Variants in PTPN2 observed in about 807,000 individuals in gnomAD.
The protein encoded by PTPN2 is protein tyrosine phosphatase non-receptor type 2, also known as tyrosine-protein phosphatase non-receptor type 2.
PTPN2 carries 19 observed loss-of-function variants against 57.3 expected under a neutral mutation model. The observed-to-expected ratio is 0.33, with a 90% confidence interval of 0.23 to 0.49. PTPN2 has a LOEUF of 0.49. PTPN2 is among the 20% of genes least tolerant of loss of function. The pLI is 0.99. For missense variants in PTPN2, 358 were observed against 501.1 expected, an observed-to-expected ratio of 0.71 and a Z score of 2.73; for synonymous variants, 153 against 164.9, an observed-to-expected ratio of 0.93 and a Z score of 0.55.
rs1201469435 is a variant in PTPN2, at chr18:12,870,382, TAC to T, written c.70-11130_70-11129del. 6.2e-5 allele frequency among the ~76,000 whole-genome samples: 4 copies of T among 64,956 alleles called. 1 individual carries two copies. Among genetic ancestry groups the T allele is most frequent in the African/African-American group, 3.1e-4 (3 of 9,688 alleles). The allele number at this position is 64,956 out of a possible 152,430, so 42.6% of individuals were successfully genotyped here. On this transcript the variant is annotated intron_variant, in intron 1 of 8. Coordinates refer to ENST00000309660, the MANE Select transcript of PTPN2 (RefSeq NM_002828.4). ...ATATATGTGTATATATACATATATA[TAC>T]GTATATATGTATATATACACGTATA...
intron 1 of PTPN2, among the ~76,000 whole-genome samples, chr18:12,866,236 A>G (rs1324178479): frequency 6.6e-6 from 1 of 152,130 alleles, no homozygotes; most frequent in Non-Finnish European, 1.5e-5. Context: ...CAGGAGATCG[A>G]GACCATCCTG....
At chr18:12,823,224 A>G (rs1474788168) in intron 5 of PTPN2, among the ~76,000 whole-genome samples, 2 of 152,344 alleles carry the variant, frequency 1.3e-5, no homozygotes, top group African/African-American at 4.8e-5. Context: ...TAAAAAATCC[A>G]GTGATCATGT....
intron 1 of PTPN2, among the ~76,000 whole-genome samples, chr18:12,870,731 G>C (rs1417230314): frequency 1.3e-5 from 2 of 151,260 alleles, no homozygotes; most frequent in East Asian, 3.9e-4. Context: ...GGATGGTCTC[G>C]ATCTCCTGAC....
At chr18:12,827,395 AT>A (rs74221641) in intron 4 of PTPN2, among the ~76,000 whole-genome samples, 95,653 of 144,612 alleles carry the variant, frequency 0.66, 32,028 homozygotes, top group Middle Eastern at 0.79. Context: ...AAAATAAATA[AT>A]TTTTTTTTTT....
At chr18:12,818,554 T>C (rs927806429) in intron 5 of PTPN2, among the ~76,000 whole-genome samples, 1 of 152,192 alleles carries the variant, frequency 6.6e-6, no homozygotes, top group Non-Finnish European at 1.5e-5. Flanking sequence ...AATTGCCTTT[T>C]GCCCCAAGGA....
At chr18:12,807,046 T>C (rs2041678913) in intron 7 of PTPN2, among the ~76,000 whole-genome samples, 1 of 152,084 alleles carries the variant, frequency 6.6e-6, no homozygotes, top group Non-Finnish European at 1.5e-5. Context: ...TTGACAGGGA[T>C]TAATATCCAG....
intron 3 of PTPN2, among the ~76,000 whole-genome samples, chr18:12,833,236 A>T (rs2042731357): frequency 6.6e-6 from 1 of 152,244 alleles, no homozygotes; most frequent in African/African-American, 2.4e-5. Context: ...AACTCAGAAG[A>T]AAAAGATGAC....
chr18:12,844,773 T>C (rs2043159960), intron 2 of PTPN2, among the ~76,000 whole-genome samples: 1 of 152,242 alleles, frequency 6.6e-6, no homozygotes, highest in Non-Finnish European at 1.5e-5. Context: ...AAATTATTGA[T>C]ATTTTAAATG....
Position 12,862,061 on chromosome 18 carries a change from A to G in PTPN2, c.70-2807T>C, listed in dbSNP as rs542293752. ...AATCTCCAATATTGTTCTACTTTAT[A>G]AAAAAAATTTCAGTGAACTTACAAG... On this transcript the variant is annotated intron_variant, in intron 1 of 8. Transcript: ENST00000309660. 11 of 149,586 alleles carry G rather than the reference A, an allele frequency of 7.4e-5. No individual in the cohort carries two copies. The South Asian group carries it at 2.3e-3, about 31-fold the overall frequency. 9.3% of individuals were successfully genotyped at this position (149,586 alleles called of 1,614,324 possible).
chr18:12,813,022 A>T (rs1190406957), intron 7 of PTPN2, among the ~76,000 whole-genome samples: 1 of 13,962 alleles, frequency 7.2e-5, no homozygotes, highest in African/African-American at 2.0e-4. Context: ...CACAAAACTT[A>T]AAAAAAAAAA....
downstream of PTPN2, among the ~76,000 whole-genome samples, chr18:12,789,878 GTATATATATATGTA>G (rs1196806689): frequency 6.6e-6 from 1 of 151,346 alleles, no homozygotes; most frequent in Admixed American, 6.6e-5. Context: ...GTGTGTGTGT[GTATATATATATGTA>G]TGTATATATG....
chr18:12,825,546 CTA>C (rs202060521), intron 5 of PTPN2, among the ~76,000 whole-genome samples: 1 of 152,140 alleles, frequency 6.6e-6, no homozygotes, highest in East Asian at 1.9e-4. Flanking sequence ...AAAGCCCTCT[CTA>C]TTAATCCTCA....
intron 8 of PTPN2, among the ~76,000 whole-genome samples, chr18:12,798,624 T>C (rs1015182985): frequency 1.3e-5 from 2 of 152,240 alleles, no homozygotes; most frequent in Non-Finnish European, 1.5e-5. Context: ...TTCCATGCTG[T>C]ATATGTACAT....
intron 5 of PTPN2, among the ~76,000 whole-genome samples, chr18:12,825,116 C>A (rs77854382): frequency 0.022 from 3,387 of 152,070 alleles, 120 homozygotes; most frequent in African/African-American, 0.078. Context: ...AACCAACCAA[C>A]CAAACAAACA....
At position 12,841,908 on chromosome 18, in the gene PTPN2, A is replaced by AT. The variant is rs35357115; in HGVS notation, c.161-5018dup. 4.3e-3 allele frequency among the ~76,000 whole-genome samples: 589 copies of AT among 137,472 alleles called. 2 individuals are homozygous for AT. Among genetic ancestry groups the AT allele is most frequent in the African/African-American group, 0.014 (533 of 38,212 alleles). 90.2% of individuals were successfully genotyped at this position (137,472 alleles called of 152,430 possible). ...TAAAATAATCAGTAAGTATCTCACCATTTTTTTTTTTTTTTGAGATGGAGT... is the reference window on the plus strand; with the variant it reads ...TAAAATAATCAGTAAGTATCTCACCATTTTTTTTTTTTTTTTGAGATGGAGT... On this transcript the variant is annotated intron_variant, in intron 2 of 8. Transcript: ENST00000309660.
chr18:12,873,947 C>G (rs1026695843), intron 1 of PTPN2, among the ~76,000 whole-genome samples: 10 of 150,444 alleles, frequency 6.6e-5, no homozygotes, highest in African/African-American at 2.0e-4. Flanking sequence ...GCGACCCCGT[C>G]TGGGAGGTGA....
rs2043474490 is a variant in PTPN2, at chr18:12,853,681, G to A, written c.160+5483C>T. 2.6e-5 allele frequency among the ~76,000 whole-genome samples: 4 copies of A among 152,130 alleles called. No individual in the cohort carries two copies. The South Asian group carries it at 8.3e-4, about 31-fold the overall frequency. Reference sequence around the variant, plus strand: ...GGGAAGAATATTTCAAAAAGGGAATGACATATTTGAAGCCACTGAGGTATT... The same window carrying A: ...GGGAAGAATATTTCAAAAAGGGAATAACATATTTGAAGCCACTGAGGTATT... On this transcript the variant is annotated intron_variant, in intron 2 of 8. Coordinates refer to ENST00000309660, the MANE Select transcript of PTPN2 (RefSeq NM_002828.4).
intron 5 of PTPN2, chr18:12,821,203 T>C (rs964766184): frequency 1.4e-4 from 22 of 152,208 alleles, no homozygotes; most frequent in African/African-American, 5.3e-4. Context: ...GTAAATAGGG[T>C]TAATAATACT....
intron 1 of PTPN2, among the ~76,000 whole-genome samples, chr18:12,866,398 A>T (rs991733564): frequency 5.3e-5 from 8 of 152,122 alleles, no homozygotes; most frequent in African/African-American, 1.9e-4. Flanking sequence ...AGATTGCACC[A>T]CTGCACTCCA....
Sources: gnomAD v4.1 joint callset for allele counts (sites outside exome capture counted in the v4.1 genomes callset) on GRCh38, gnomAD v4.1.1 for gene constraint, MANE v1.5 for transcripts, NCBI Gene and HGNC (gene_info 2026-07-23, HGNC 2026-07-21) for gene names.